The following GTF2H1 variants were observed in gnomAD, a reference collection of about 807,000 sequenced individuals.
The protein encoded by GTF2H1 is BTF2 p62.
In GTF2H1, 16 loss-of-function variants were observed where a neutral mutation model predicts 71.2. That is an observed-to-expected ratio of 0.22 (90% CI 0.15 to 0.34). GTF2H1 has a LOEUF of 0.34. Among genes scored for constraint, GTF2H1 ranks in the 10% least tolerant of loss-of-function variants. The pLI is 1.00. For synonymous variants in GTF2H1, 215 were observed against 219.0 expected (o/e 0.98, Z 0.16); for missense variants, 498 against 648.2 (o/e 0.77, Z 2.52).
chr11:18,335,997 C>G lies in GTF2H1; in HGVS notation c.347+51C>G, dbSNP rs528347645. On this transcript the variant is annotated intron_variant, in intron 3 of 14. Transcript: ENST00000265963. ...AAAGAGATACTGGGTTCTCTATAGT[C>G]TCCTAGTATGCTAATAGCTTGTTAG... 2.9e-6 allele frequency: 4 copies of G among 1,365,324 alleles called. No individual in the cohort carries two copies. The East Asian group carries it at 7.0e-5, about 24-fold the overall frequency. 84.6% of individuals were successfully genotyped at this position (1,365,324 alleles called of 1,614,324 possible).
intron 7 of GTF2H1, among the ~76,000 whole-genome samples, chr11:18,343,277 T>G (rs1171833936): frequency 6.6e-6 from 1 of 152,214 alleles, no homozygotes; most frequent in Non-Finnish European, 1.5e-5. Flanking sequence ...TAATAGTACT[T>G]GCCTTATAGG....
chr11:18,355,148 A>G (rs1220140909), intron 11 of GTF2H1, among the ~76,000 whole-genome samples: 1 of 116,170 alleles, frequency 8.6e-6, no homozygotes, highest in Admixed American at 8.7e-5. Flanking sequence ...TTTTTTTTTT[A>G]TTTTTATTTT....
At chr11:18,347,950 G>T (rs1438325696) in intron 9 of GTF2H1, 31 bp downstream of exon 9, 3 of 1,425,000 alleles carry the variant, frequency 2.1e-6, no homozygotes, top group African/African-American at 2.8e-5. Context: ...ACCATTTGGG[G>T]CTCAAGTTTC....
At chr11:18,336,061 G>A (rs1185739644) in intron 3 of GTF2H1, 115 bp downstream of exon 3, 2 of 668,632 alleles carry the variant, frequency 3.0e-6, no homozygotes, top group African/African-American at 1.8e-5. Context: ...TTGGTTTTTT[G>A]TTGTTGTCGT....
At chr11:18,334,554 G>A (rs1165887168) in intron 2 of GTF2H1, among the ~76,000 whole-genome samples, 2 of 152,164 alleles carry the variant, frequency 1.3e-5, no homozygotes, top group African/African-American at 4.8e-5. Context: ...TAACCACAGT[G>A]TACAATAAAC....
chr11:18,342,252 CTTTTTTTT>C (rs71047585), intron 7 of GTF2H1, among the ~76,000 whole-genome samples: 37 of 72,778 alleles, frequency 5.1e-4, no homozygotes, highest in African/African-American at 1.6e-3. Context: ...TTTTCTGTCT[CTTTTTTTT>C]TTTTTTTTTT....
chr11:18,365,533 C>T (rs962046351), intron 14 of GTF2H1, among the ~76,000 whole-genome samples: 1 of 152,072 alleles, frequency 6.6e-6, no homozygotes, highest in African/African-American at 2.4e-5. Context: ...TCATATTGTC[C>T]TATTATTGGT....
intron 13 of GTF2H1, 51 bp from the exon 14 acceptor site, chr11:18,360,564 T>A: frequency 3.6e-6 from 3 of 828,240 alleles, no homozygotes; most frequent in Non-Finnish European, 5.8e-6. Flanking sequence ...TTTCTGTTGG[T>A]CTCTACAGCT....
Position 18,339,594 on chromosome 11 carries a change from A to G in GTF2H1, c.544A>G (p.Asn182Asp). ...ADVRPQTDGCNGLRYNLTSDI... is the reference protein window; with the variant it reads ...ADVRPQTDGCDGLRYNLTSDI... The stretch of plus-strand genomic sequence containing the variant: ...TGTCCGGCCCCAAACTGATGGCTGT[A>G]ACGGTCTAAGATATAATTTAACTTC... The change falls in exon 5 of 15, where the codon AAC (asparagine) becomes GAC (aspartate). Residue 182 changes from asparagine to aspartate, a missense_variant. By Grantham distance (23) the Asn-to-Asp change is conservative. Around this residue, in one of 3 missense-constraint regions of GTF2H1, gnomAD observed 216 missense variants for 306.2 expected, o/e 0.71. Transcript: ENST00000265963. 6.2e-7 allele frequency: 1 copy of G among 1,613,630 alleles called. No individual in the cohort carries two copies. Among genetic ancestry groups the G allele is most frequent in the Non-Finnish European group, 8.5e-7 (1 of 1,179,544 alleles).
At chr11:18,330,891 A>G (rs1027037303) in intron 1 of GTF2H1, among the ~76,000 whole-genome samples, 1 of 152,230 alleles carries the variant, frequency 6.6e-6, no homozygotes, top group Non-Finnish European at 1.5e-5. Context: ...TTCTCGGGAT[A>G]GAATAGCCTG....
intron 2 of GTF2H1, 21 bp from the exon 3 acceptor site, chr11:18,335,733 T>G (rs1441239657): frequency 1.3e-6 from 2 of 1,585,906 alleles, no homozygotes; most frequent in Non-Finnish European, 8.6e-7. Flanking sequence ...ATCATCTAAC[T>G]GCCCTCATGC....
chr11:18,327,438 C>T (rs1864793248), intron 1 of GTF2H1, among the ~76,000 whole-genome samples: 1 of 152,188 alleles, frequency 6.6e-6, no homozygotes, highest in Non-Finnish European at 1.5e-5. Context: ...AAACCCAGTT[C>T]TGCTACTTCC....
At chr11:18,338,450 GTTT>G (rs1865082875) in intron 4 of GTF2H1, among the ~76,000 whole-genome samples, 176 bp downstream of exon 4, 1 of 152,002 alleles carries the variant, frequency 6.6e-6, no homozygotes, top group African/African-American at 2.4e-5. Flanking sequence ...TTGTTTGTTT[GTTT>G]GTTTTTAAAA....
chr11:18,364,203 C>T (rs975159431), intron 14 of GTF2H1, among the ~76,000 whole-genome samples: 1 of 152,124 alleles, frequency 6.6e-6, no homozygotes, highest in African/African-American at 2.4e-5. Flanking sequence ...AGTTTCCAGA[C>T]AGAGCTAAAT....
At chr11:18,341,133 A>G (rs1865147011) in intron 5 of GTF2H1, 128 bp from the exon 6 acceptor site, 2 of 654,790 alleles carry the variant, frequency 3.1e-6, no homozygotes, top group Non-Finnish European at 5.2e-6. Context: ...TAATTAGATT[A>G]TAACTTATAG....
chr11:18,333,817 A>T (rs4150565), intron 2 of GTF2H1, among the ~76,000 whole-genome samples: 223 of 152,334 alleles, frequency 1.5e-3, no homozygotes, highest in Admixed American at 2.3e-3. Flanking sequence ...ATGCTGATAG[A>T]TGATGCCAGA....
Position 18,365,888 on chromosome 11 carries a change from A to G in GTF2H1, c.*19A>G. ...AACGTGAGGTGGCCATGATGCTTACAGGTTTTGTGAGATTGAGAGAACTAT... is the reference window on the plus strand; with the variant it reads ...AACGTGAGGTGGCCATGATGCTTACGGGTTTTGTGAGATTGAGAGAACTAT... On this transcript the variant is annotated 3_prime_UTR_variant, in exon 15 of 15. Transcript: ENST00000265963. 1.3e-6 allele frequency: 2 copies of G among 1,568,790 alleles called. No homozygotes were observed. Among genetic ancestry groups the G allele is most frequent in the South Asian group, 1.1e-5 (1 of 89,948 alleles).
intron 3 of GTF2H1, among the ~76,000 whole-genome samples, chr11:18,337,564 C>T (rs1865059654): frequency 6.6e-6 from 1 of 152,034 alleles, no homozygotes; most frequent in Admixed American, 6.6e-5. Context: ...GTTCTACATC[C>T]ACAGATTCAA....
intron 9 of GTF2H1, among the ~76,000 whole-genome samples, chr11:18,349,248 G>A (rs968806070): frequency 2.0e-5 from 3 of 152,132 alleles, no homozygotes; most frequent in African/African-American, 7.2e-5. Context: ...AATTAATAAA[G>A]CCAGTGAGGT....
Sources: gnomAD v4.1 joint callset for allele counts (sites outside exome capture counted in the v4.1 genomes callset) on GRCh38, gnomAD v4.1.1 for gene constraint, gnomAD v4.1.1 regional missense constraint, MANE v1.5 for transcripts, NCBI Gene and HGNC (gene_info 2026-07-23, HGNC 2026-07-21) for gene names.